Variants in HOMER1 observed in about 807,000 individuals in gnomAD.
HOMER1 encodes homer protein homolog 1.
Under a neutral mutation model 48.9 loss-of-function variants are expected in HOMER1, and 3 were observed. The ratio of observed to expected loss-of-function variants is 0.06; its 90% CI spans 0.03 to 0.16. The LOEUF (loss-of-function observed/expected upper bound fraction) is 0.16, where lower values mean the gene tolerates loss of function less well. Ranked by LOEUF, HOMER1 falls within the 10% of genes least tolerant of loss-of-function variation. The pLI, the probability that HOMER1 is intolerant of heterozygous loss-of-function variation, is 1.00. For synonymous variants in HOMER1, 134 were observed against 146.4 expected (o/e 0.92, Z 0.61); for missense variants, 247 against 411.4 (o/e 0.60, Z 3.46).
At chr5:79,398,815 A>G (rs1052510695) in intron 6 of HOMER1, among the ~76,000 whole-genome samples, 2 of 152,190 alleles carry the variant, frequency 1.3e-5, no homozygotes, top group African/African-American at 4.8e-5. Context: ...TCCTTGTCCT[A>G]AGAACAAGTG....
intron 8 of HOMER1, among the ~76,000 whole-genome samples, chr5:79,384,794 A>T (rs1044076259): frequency 2.0e-5 from 3 of 152,208 alleles, no homozygotes; most frequent in African/African-American, 7.2e-5. Context: ...AAAAGATGAT[A>T]CACCATAATC....
At chr5:79,376,495 A>T (rs1748776582) in intron 8 of HOMER1, among the ~76,000 whole-genome samples, 1 of 152,206 alleles carries the variant, frequency 6.6e-6, no homozygotes, top group South Asian at 2.1e-4. Flanking sequence ...AGGCTTGAAG[A>T]CCTATTTATG....
chr5:79,405,334 AG>A (rs751668445), intron 5 of HOMER1, among the ~76,000 whole-genome samples: 5 of 152,174 alleles, frequency 3.3e-5, no homozygotes, highest in Non-Finnish European at 7.4e-5. Context: ...ATGAGAAAAT[AG>A]ATTTCTATAG....
intron 8 of HOMER1, among the ~76,000 whole-genome samples, chr5:79,380,612 C>T (rs932805304): frequency 2.3e-4 from 35 of 152,194 alleles, no homozygotes; most frequent in African/African-American, 8.0e-4. Flanking sequence ...TGGGGATTGC[C>T]CCGCCCCTAC....
chr5:79,422,789 T>TAA (rs1750136395), intron 5 of HOMER1, among the ~76,000 whole-genome samples: 1 of 151,588 alleles, frequency 6.6e-6, no homozygotes, highest in Non-Finnish European at 1.5e-5. Flanking sequence ...AGTTTTATAC[T>TAA]AATATTGCTG....
At chr5:79,400,234 C>G (rs996366055) in intron 6 of HOMER1, among the ~76,000 whole-genome samples, 2 of 152,092 alleles carry the variant, frequency 1.3e-5, no homozygotes, top group African/African-American at 4.8e-5. Context: ...TAAGTCTATA[C>G]CCATTAAACA....
chr5:79,386,367 A>G (rs1484316004), intron 8 of HOMER1, among the ~76,000 whole-genome samples: 1 of 152,236 alleles, frequency 6.6e-6, no homozygotes, highest in Non-Finnish European at 1.5e-5. Flanking sequence ...CAGGCACAGA[A>G]AGACAAATAC....
At chr5:79,480,670 T>G (rs1751920786) in intron 1 of HOMER1, among the ~76,000 whole-genome samples, 1 of 152,250 alleles carries the variant, frequency 6.6e-6, no homozygotes. Context: ...TTTATTTCTT[T>G]GATTAGGCCA....
chr5:79,454,558 C>T (rs947805705), intron 2 of HOMER1, among the ~76,000 whole-genome samples: 1 of 151,984 alleles, frequency 6.6e-6, no homozygotes, highest in African/African-American at 2.4e-5. Context: ...CTAAATAAAG[C>T]TTCACGGAAA....
At chr5:79,482,903 C>T (rs1751985556) in intron 1 of HOMER1, among the ~76,000 whole-genome samples, 1 of 151,774 alleles carries the variant, frequency 6.6e-6, no homozygotes, top group South Asian at 2.1e-4. Flanking sequence ...CTCAAGAGGC[C>T]GAGGTGGAAG....
chr5:79,397,489 G>A lies in HOMER1; in HGVS notation c.795+38C>T, dbSNP rs984086713. 8 of 1,135,524 alleles carry A rather than the reference G, an allele frequency of 7.0e-6. No homozygotes were observed. The Admixed American group carries it at 1.4e-4, about 20-fold the overall frequency. 70.3% of individuals were successfully genotyped at this position (1,135,524 alleles called of 1,614,324 possible). On this transcript the variant is annotated intron_variant, in intron 7 of 8. Coordinates refer to ENST00000334082, the MANE Select transcript of HOMER1 (RefSeq NM_004272.5). ...GGAATCTAATACTTTGTACAAACAT[G>A]TTAGCTAGATTACAGATGAGTAAAA... is the stretch of plus-strand genomic sequence containing the variant.
intron 2 of HOMER1, among the ~76,000 whole-genome samples, chr5:79,453,903 T>TA (rs1315927063): frequency 1.3e-5 from 2 of 152,046 alleles, no homozygotes; most frequent in African/African-American, 4.8e-5. Context: ...ATTGCTGACT[T>TA]AAAAAAACAA....
At chr5:79,441,267 T>C (rs535018537) in intron 4 of HOMER1, among the ~76,000 whole-genome samples, 1 of 152,296 alleles carries the variant, frequency 6.6e-6, no homozygotes, top group East Asian at 1.9e-4. Context: ...GACAAGAGTG[T>C]GCAAAAGTAC....
chr5:79,510,808 G>A, intron 1 of HOMER1: 1 of 748,944 alleles, frequency 1.3e-6, no homozygotes, highest in Non-Finnish European at 2.4e-6. Context: ...CAAGGACAAG[G>A]ATCAAACCAA....
intron 8 of HOMER1, among the ~76,000 whole-genome samples, chr5:79,391,991 A>G (rs903546212): frequency 4.1e-4 from 63 of 152,264 alleles, no homozygotes; most frequent in African/African-American, 1.5e-3. Context: ...AGCAGCTGCC[A>G]TATCATCACA....
chr5:79,475,891 G>A (rs1580009098), intron 1 of HOMER1, among the ~76,000 whole-genome samples: 1 of 152,016 alleles, frequency 6.6e-6, no homozygotes, highest in African/African-American at 2.4e-5. Flanking sequence ...AAACACTCAG[G>A]TACCCTTAAA....
chr5:79,387,452 T>C (rs1362714332), intron 8 of HOMER1, among the ~76,000 whole-genome samples: 1 of 152,138 alleles, frequency 6.6e-6, no homozygotes, highest in Non-Finnish European at 1.5e-5. Flanking sequence ...TCTTGCATCA[T>C]TTAATCTAAA....
At chr5:79,483,746 G>T (rs1471202945) in intron 1 of HOMER1, among the ~76,000 whole-genome samples, 1 of 134,726 alleles carries the variant, frequency 7.4e-6, no homozygotes, top group Non-Finnish European at 1.5e-5. Flanking sequence ...ATAATTGACC[G>T]TTTAAGTAAA....
intron 7 of HOMER1, among the ~76,000 whole-genome samples, chr5:79,397,231 C>G (rs745841480): frequency 2.6e-5 from 4 of 152,118 alleles, no homozygotes; most frequent in Non-Finnish European, 4.4e-5. Flanking sequence ...GAGAAACCAA[C>G]AGCTTTTAAA....
Sources: allele counts gnomAD v4.1 joint callset (sites outside exome capture counted in the v4.1 genomes callset), GRCh38; gene constraint gnomAD v4.1.1; transcripts MANE v1.5; gene names NCBI Gene and HGNC (gene_info 2026-07-23, HGNC 2026-07-21).